CTNNA2: variants seen among roughly 807,000 people sequenced by gnomAD.
CTNNA2 encodes catenin alpha 2.
Under a neutral mutation model 101.0 loss-of-function variants are expected in CTNNA2, and 42 were observed. That is an observed-to-expected ratio of 0.42 (90% CI 0.32 to 0.54). The LOEUF is 0.54. Ranked by LOEUF, CTNNA2 falls within the 20% of genes least tolerant of loss-of-function variation. The probability of loss-of-function intolerance (pLI) is 0.14; values close to 1 mark genes in which losing one functional copy is unlikely to be tolerated. For missense variants in CTNNA2, 871 were observed against 1,223.1 expected (o/e 0.71, Z 4.29); for synonymous variants, 450 against 456.4 (o/e 0.99, Z 0.18).
chr2:79,222,677 C>A (rs1674359721), intron 2 of CTNNA2, among the ~76,000 whole-genome samples: 1 of 151,830 alleles, frequency 6.6e-6, no homozygotes, highest in South Asian at 2.1e-4. Context: ...TTCCTGTCTT[C>A]CTTTATTCTC....
intron 7 of CTNNA2, among the ~76,000 whole-genome samples, chr2:80,292,936 T>A (rs1274463708): frequency 6.6e-6 from 1 of 152,098 alleles, no homozygotes; most frequent in Non-Finnish European, 1.5e-5. Flanking sequence ...ATTTTTGAAA[T>A]AATATGCAAA....
rs56285145 is a variant in CTNNA2, at chr2:79,305,373, C to CATATAT, written c.-405-7323_-405-7318dup. 3.7e-4 allele frequency among the ~76,000 whole-genome samples: 51 copies of CATATAT among 138,248 alleles called. No individual in the cohort carries two copies. In the East Asian group the frequency reaches 5.2e-3, roughly 14 times the overall value. 90.7% of individuals were successfully genotyped at this position (138,248 alleles called of 152,430 possible). A position where few individuals can be genotyped will look rare whatever the true frequency, so the allele number is the denominator to read the frequency against. On this transcript the variant is annotated intron_variant, in intron 2 of 21. Transcript: ENST00000466387. Reference sequence around the variant, plus strand: ...ATATACATATATACATATATATACACATATATATATATATATATTTCTGCA... The same window carrying CATATAT: ...ATATACATATATACATATATATACACATATATATATATATATATATATATTTCTGCA...
intron 4 of CTNNA2, among the ~76,000 whole-genome samples, chr2:79,861,863 A>T (rs576408792): frequency 7.3e-4 from 111 of 152,326 alleles, no homozygotes; most frequent in African/African-American, 2.6e-3. Context: ...GACACCATTT[A>T]AAAATACTGA....
intron 7 of CTNNA2, among the ~76,000 whole-genome samples, chr2:80,267,978 G>A (rs149837355): frequency 1.1e-3 from 168 of 152,320 alleles, no homozygotes; most frequent in Middle Eastern, 3.4e-3. Flanking sequence ...AGAAAACTAG[G>A]TAGATATGGA....
At chr2:79,283,016 G>C (rs1247841092) in intron 2 of CTNNA2, among the ~76,000 whole-genome samples, 377 of 86,708 alleles carry the variant, frequency 4.3e-3, no homozygotes, top group Middle Eastern at 0.016. Flanking sequence ...CAGTGATGAT[G>C]AGCATTTTTT....
At chr2:79,916,418 A>G (rs1686206341) in intron 7 of CTNNA2, among the ~76,000 whole-genome samples, 1 of 151,062 alleles carries the variant, frequency 6.6e-6, no homozygotes, top group Admixed American at 6.6e-5. Context: ...CTGTATGTTC[A>G]ATGCCCTCAT....
intron 7 of CTNNA2, among the ~76,000 whole-genome samples, chr2:80,260,511 C>A (rs1177200502): frequency 6.6e-6 from 1 of 152,212 alleles, no homozygotes; most frequent in African/African-American, 2.4e-5. Context: ...GAGGCTACAT[C>A]TGTTTATTTG....
chr2:79,630,477 G>A (rs893754308), intron 1 of CTNNA2, among the ~76,000 whole-genome samples: 2 of 151,976 alleles, frequency 1.3e-5, no homozygotes, highest in South Asian at 2.1e-4. Context: ...TCTGATTTAC[G>A]TAAAAGAGAC....
chr2:79,189,447 C>G (rs1215248190), intron 1 of CTNNA2, among the ~76,000 whole-genome samples: 3 of 151,934 alleles, frequency 2.0e-5, no homozygotes, highest in African/African-American at 7.3e-5. Flanking sequence ...TTGTTATTTT[C>G]TTCTCTGTTC....
chr2:79,960,688 G>A (rs1689567868), intron 7 of CTNNA2, among the ~76,000 whole-genome samples: 1 of 152,048 alleles, frequency 6.6e-6, no homozygotes, highest in South Asian at 2.1e-4. Context: ...TTTTCTCAGA[G>A]CTTTTTTTCT....
At chr2:79,794,550 C>G (rs1201833921) in intron 3 of CTNNA2, among the ~76,000 whole-genome samples, 1 of 152,096 alleles carries the variant, frequency 6.6e-6, no homozygotes, top group East Asian at 1.9e-4. Context: ...CCTGCCTTTT[C>G]TTTCTTTCTT....
At chr2:80,328,254 C>G (rs1176133125) in intron 7 of CTNNA2, 1 of 470,568 alleles carries the variant, frequency 2.1e-6, no homozygotes, top group Non-Finnish European at 4.4e-6. Context: ...ATGATCAGTT[C>G]CTCATTAAAG....
At chr2:80,491,751 T>G (rs1687081761) in intron 9 of CTNNA2, among the ~76,000 whole-genome samples, 1 of 152,178 alleles carries the variant, frequency 6.6e-6, no homozygotes, top group South Asian at 2.1e-4. Context: ...CTCAAAAATG[T>G]CTCTGTTCAC....
intron 3 of CTNNA2, among the ~76,000 whole-genome samples, chr2:79,313,257 A>G (rs988930735): frequency 4.6e-5 from 7 of 152,196 alleles, no homozygotes; most frequent in African/African-American, 1.7e-4. Flanking sequence ...TCTCCAGTTT[A>G]TGGTTTCAGA....
intron 7 of CTNNA2, among the ~76,000 whole-genome samples, chr2:80,306,979 GT>G (rs1476915796): frequency 6.6e-6 from 1 of 151,472 alleles, no homozygotes; most frequent in East Asian, 1.9e-4. Flanking sequence ...TTATATGTGA[GT>G]TTTCTTCTAA....
chr2:80,244,817 G>C (rs2149096442), intron 7 of CTNNA2, among the ~76,000 whole-genome samples: 1 of 152,222 alleles, frequency 6.6e-6, no homozygotes, highest in East Asian at 1.9e-4. Flanking sequence ...CCTCAGCATG[G>C]TGCTCAGAGA....
intron 6 of CTNNA2, among the ~76,000 whole-genome samples, chr2:79,895,690 T>TA (rs1040627836): frequency 2.3e-4 from 23 of 98,682 alleles, no homozygotes; most frequent in African/African-American, 1.0e-3. Flanking sequence ...TGAAATTTCT[T>TA]AATTTTTTTT....
chr2:80,352,988 C>G (rs1251341525), intron 7 of CTNNA2, among the ~76,000 whole-genome samples: 3 of 151,824 alleles, frequency 2.0e-5, no homozygotes, highest in Non-Finnish European at 2.9e-5. Context: ...TCTATTAGGA[C>G]AGTACATGTA....
intron 4 of CTNNA2, among the ~76,000 whole-genome samples, chr2:79,383,287 T>G (rs902840070): frequency 5.9e-5 from 9 of 152,198 alleles, no homozygotes; most frequent in African/African-American, 2.2e-4. Flanking sequence ...ATGGCAAATT[T>G]CATGACATTG....
Sources: allele counts gnomAD v4.1 joint callset (sites outside exome capture counted in the v4.1 genomes callset), GRCh38; gene constraint gnomAD v4.1.1; transcripts MANE v1.5; gene names NCBI Gene and HGNC (gene_info 2026-07-23, HGNC 2026-07-21).